The following RELN variants were observed in gnomAD, a reference collection of about 807,000 sequenced individuals.
RELN encodes reelin.
RELN carries 108 observed loss-of-function variants against 427.6 expected under a neutral mutation model. The ratio of observed to expected loss-of-function variants is 0.25; its 90% confidence interval spans 0.22 to 0.30. The LOEUF (loss-of-function observed/expected upper bound fraction) is 0.30, where lower values mean the gene tolerates loss of function less well. RELN is among the 10% of genes least tolerant of loss of function. The pLI is 1.00. For missense variants in RELN, 3,715 were observed against 4,302.8 expected (o/e 0.86, Z 3.82); for synonymous variants, 1,524 against 1,513.4 (o/e 1.01, Z -0.16).
chr7:103,912,793 A>G (rs926673773), intron 2 of RELN, among the ~76,000 whole-genome samples: 4 of 152,168 alleles, frequency 2.6e-5, no homozygotes, highest in African/African-American at 7.2e-5. Context: ...AATGCATTTC[A>G]GCCCTGGAAA....
chr7:103,656,344 T>G lies in RELN; in HGVS notation c.1442-2139A>C, dbSNP rs149332209. On this transcript the variant is annotated intron_variant, in intron 12 of 64. Coordinates refer to ENST00000428762, the MANE Select transcript of RELN (RefSeq NM_005045.4). Reference sequence around the variant, plus strand: ...ATCAGTTGGAAGCAACCCAGGAAGTTGGCTTGATGGCAGAAAAGCTAGTGT... The same window carrying G: ...ATCAGTTGGAAGCAACCCAGGAAGTGGGCTTGATGGCAGAAAAGCTAGTGT... 3.3e-3 allele frequency among the ~76,000 whole-genome samples: 499 copies of G among 152,210 alleles called. 5 individuals carry two copies. Among genetic ancestry groups the G allele is most frequent in the African/African-American group, 0.011 (474 of 41,548 alleles).
rs576178476 is a variant in RELN, at chr7:103,924,859, T to A, written c.227-7674A>T. ...TAAGCCCTTTGGAAGTAAGTTTAGA[T>A]GAGAGCACTTGGTGAATATAAATCT... is the stretch of plus-strand genomic sequence containing the variant. On this transcript the variant is annotated intron_variant, in intron 1 of 64. Coordinates refer to ENST00000428762, the MANE Select transcript of RELN (RefSeq NM_005045.4). Among the ~76,000 whole-genome samples the A allele has an allele frequency of 8.5e-5, 13 of 152,242 alleles. No homozygotes were observed. In the South Asian group the frequency reaches 2.7e-3, roughly 32 times the overall value.
At chr7:103,494,301 G>T (rs1463455128) in intron 57 of RELN, among the ~76,000 whole-genome samples, 1 of 151,552 alleles carries the variant, frequency 6.6e-6, no homozygotes, top group Non-Finnish European at 1.5e-5. Context: ...CATCAAAAAA[G>T]GGTATTAGAA....
chr7:103,690,953 G>C (rs928057796), intron 10 of RELN, among the ~76,000 whole-genome samples: 3 of 152,090 alleles, frequency 2.0e-5, no homozygotes, highest in Admixed American at 6.6e-5. Context: ...CTTGGAAAAA[G>C]AAAGGAGGAG....
chr7:103,811,428 TA>T (rs921497788), intron 3 of RELN, among the ~76,000 whole-genome samples: 1 of 152,230 alleles, frequency 6.6e-6, no homozygotes, highest in African/African-American at 2.4e-5. Flanking sequence ...TCTTATGAAT[TA>T]AACATAAGTC....
chr7:103,602,119 T>C (rs760547780), intron 24 of RELN, among the ~76,000 whole-genome samples: 30 of 152,278 alleles, frequency 2.0e-4, no homozygotes, highest in Non-Finnish European at 3.8e-4. Flanking sequence ...GATTGACAGA[T>C]TTAATAAACA....
intron 2 of RELN, among the ~76,000 whole-genome samples, chr7:103,878,951 C>G (rs1351238766): frequency 1.3e-5 from 2 of 152,144 alleles, no homozygotes. Flanking sequence ...GGAGTGAAGT[C>G]ATAACTCAGG....
At chr7:103,894,584 C>A (rs899461667) in intron 2 of RELN, among the ~76,000 whole-genome samples, 1 of 152,016 alleles carries the variant, frequency 6.6e-6, no homozygotes, top group African/African-American at 2.4e-5. Context: ...AATGGTAATT[C>A]CTGCATTAAC....
intron 2 of RELN, among the ~76,000 whole-genome samples, chr7:103,894,928 C>T (rs186182120): frequency 6.6e-6 from 1 of 152,244 alleles, no homozygotes; most frequent in Admixed American, 6.5e-5. Flanking sequence ...CAAAATCATA[C>T]ACTTACCCTG....
At chr7:103,762,103 G>GTAGAGATGGGGT (rs1791316251) in intron 4 of RELN, among the ~76,000 whole-genome samples, 1 of 152,112 alleles carries the variant, frequency 6.6e-6, no homozygotes, top group African/African-American at 2.4e-5. Context: ...AAGGAATTAA[G>GTAGAGATGGGGT]TTCTGCCCAT....
rs1430623344 is a variant in RELN at position 103,633,179 on chromosome 7, A to G, written c.2465+2246T>C. 1.3e-5 allele frequency among the ~76,000 whole-genome samples: 2 copies of G among 152,140 alleles called. 1 individual carries two copies. Among genetic ancestry groups the G allele is most frequent in the African/African-American group, 4.8e-5 (2 of 41,460 alleles). Reference sequence around the variant, plus strand: ...GAGGAATAATAGTGGTTAGCCAACTAGCATGTCTAATTTATGAATCACACT... The same window carrying G: ...GAGGAATAATAGTGGTTAGCCAACTGGCATGTCTAATTTATGAATCACACT... On this transcript the variant is annotated intron_variant, in intron 19 of 64. Transcript: ENST00000428762.
Position 103,604,467 on chromosome 7 carries a change from A to G in RELN, c.3025T>C (p.Phe1009Leu), listed in dbSNP as rs1831765926. 1 of 1,613,846 alleles carries G rather than the reference A, an allele frequency of 6.2e-7. No homozygotes were observed. Among genetic ancestry groups the G allele is most frequent in the Admixed American group, 1.7e-5 (1 of 59,984 alleles). The change falls in exon 23 of 65, where the codon TTC becomes CTC. Residue 1009 changes from phenylalanine (F) to leucine (L), a missense_variant. By Grantham distance (22) the Phe-to-Leu change is conservative (BLOSUM62 0). This residue lies in a region of RELN where 2,208 missense variants were observed against 2,361.7 expected (regional missense o/e 0.93). Transcript: ENST00000428762. Reference protein sequence around the residue: ...PQKTWSSATRFRWSQSYYTAQ... With the variant: ...PQKTWSSATRLRWSQSYYTAQ... The stretch of plus-strand genomic sequence containing the variant: ...GTGTAATAGCTCTGGCTCCAGCGGA[A>G]ACGGGTAGCACTGGACCTAGAAACA...
At chr7:103,913,110 T>G (rs1795406378) in intron 2 of RELN, among the ~76,000 whole-genome samples, 1 of 152,144 alleles carries the variant, frequency 6.6e-6, no homozygotes, top group African/African-American at 2.4e-5. Context: ...TTTTGGTCAG[T>G]GAGGCATGCA....
At chr7:103,720,754 T>C (rs141605610) in intron 8 of RELN, among the ~76,000 whole-genome samples, 163 of 152,306 alleles carry the variant, frequency 1.1e-3, no homozygotes, top group African/African-American at 3.7e-3. Flanking sequence ...CCCACAATTA[T>C]GGCATTTCTA....
chr7:103,802,839 G>GT (rs1792502444), intron 3 of RELN, among the ~76,000 whole-genome samples: 1 of 152,080 alleles, frequency 6.6e-6, no homozygotes, highest in African/African-American at 2.4e-5. Flanking sequence ...TGCAATGCTT[G>GT]TATTACTGGC....
At chr7:103,835,568 C>T (rs894169204) in intron 2 of RELN, among the ~76,000 whole-genome samples, 1 of 152,066 alleles carries the variant, frequency 6.6e-6, no homozygotes, top group Non-Finnish European at 1.5e-5. Flanking sequence ...TATGGCAACT[C>T]TGTGCTTTTT....
chr7:103,838,501 G>C (rs887208972), intron 2 of RELN, among the ~76,000 whole-genome samples: 3 of 152,086 alleles, frequency 2.0e-5, no homozygotes, highest in African/African-American at 7.2e-5. Flanking sequence ...CATCAAGCCA[G>C]AGAAATCACA....
intron 6 of RELN, among the ~76,000 whole-genome samples, chr7:103,741,517 A>G (rs1053094939): frequency 2.6e-5 from 4 of 152,042 alleles, no homozygotes; most frequent in African/African-American, 9.7e-5. Context: ...TAGAAGGGAT[A>G]GTCTAATGTA....
intron 2 of RELN, among the ~76,000 whole-genome samples, chr7:103,839,297 TCTTTG>T (rs1197810201): frequency 7.1e-6 from 1 of 140,602 alleles, no homozygotes; most frequent in East Asian, 2.0e-4. Context: ...TATACAGTGG[TCTTTG>T]CTTTTTTTTT....
Sources: gnomAD v4.1 joint callset for allele counts (sites outside exome capture counted in the v4.1 genomes callset) on GRCh38, gnomAD v4.1.1 for gene constraint, gnomAD v4.1.1 regional missense constraint, MANE v1.5 for transcripts, NCBI Gene and HGNC (gene_info 2026-07-23, HGNC 2026-07-21) for gene names.